The following TREM2 variants were observed in gnomAD, a reference collection of about 807,000 sequenced individuals.
The protein encoded by TREM2 is triggering receptor expressed on myeloid cells 2.
In TREM2, 20 loss-of-function variants were observed where a neutral mutation model predicts 22.9. The observed-to-expected ratio is 0.87, with a 90% confidence interval of 0.61 to 1.27. The LOEUF is 1.27. Ranked by LOEUF, TREM2 falls within the 50% of genes most tolerant of loss-of-function variation. The pLI is 0.00. For missense variants in TREM2, 267 were observed against 289.0 expected, an observed-to-expected ratio of 0.92 and a Z score of 0.55; for synonymous variants, 111 against 120.9, an observed-to-expected ratio of 0.92 and a Z score of 0.54.
intron 1 of TREM2, among the ~76,000 whole-genome samples, chr6:41,162,052 GT>G (rs1431583437): frequency 1.3e-5 from 2 of 152,128 alleles, no homozygotes; most frequent in Non-Finnish European, 2.9e-5. Context: ...CCCTATTTCT[GT>G]GGCTTTGTTC....
intron 2 of TREM2, 94 bp downstream of exon 2, chr6:41,161,169 C>T: frequency 1.8e-6 from 2 of 1,126,666 alleles, no homozygotes; most frequent in South Asian, 1.3e-5. Context: ...TTCCCAGGAT[C>T]CCTGAGAGCC....
At chr6:41,159,694 C>T in intron 3 of TREM2, 98 bp downstream of exon 3, 1 of 1,080,326 alleles carries the variant, frequency 9.3e-7, no homozygotes, top group Non-Finnish European at 1.4e-6. Context: ...CTCTAGTTGC[C>T]TTGTAATTTG....
chr6:41,160,035 A>T (rs1360723963), intron 2 of TREM2, among the ~76,000 whole-genome samples, 153 bp from the exon 3 acceptor site: 2 of 152,042 alleles, frequency 1.3e-5, no homozygotes, highest in Admixed American at 1.3e-4. Context: ...CAGTTTCCCC[A>T]CTTATAAAGT....
intron 2 of TREM2, 125 bp from the exon 3 acceptor site, chr6:41,160,007 A>G: frequency 1.4e-6 from 1 of 723,020 alleles, no homozygotes; most frequent in Non-Finnish European, 2.4e-6. Flanking sequence ...GGATCAGGTC[A>G]TTACACTCCA....
chr6:41,159,210 C>G lies in TREM2; in HGVS notation c.483-144G>C. The G allele has an allele frequency of 4.2e-6, 4 of 960,882 alleles. No homozygotes were observed. In the Admixed American group the frequency reaches 6.6e-5, roughly 16 times the overall value. 59.5% of individuals were successfully genotyped at this position (960,882 alleles called of 1,614,324 possible). Reference sequence around the variant, plus strand: ...ATCCCTGGGATGGGCCTTTTTGGAGCTTTGGGAGCCCATAGTCAAGAGACT... The same window carrying G: ...ATCCCTGGGATGGGCCTTTTTGGAGGTTTGGGAGCCCATAGTCAAGAGACT... On this transcript the variant is annotated intron_variant, in intron 3 of 4. Transcript: ENST00000373113.
chr6:41,161,910 A>G (rs1359488911), intron 1 of TREM2, among the ~76,000 whole-genome samples: 1 of 151,336 alleles, frequency 6.6e-6, no homozygotes, highest in Non-Finnish European at 1.5e-5. Flanking sequence ...TGTTCTGCAC[A>G]TCTCTTTGCC....
intron 3 of TREM2, 31 bp downstream of exon 3, chr6:41,159,761 C>T (rs1163494889): frequency 1.2e-6 from 2 of 1,606,908 alleles, no homozygotes; most frequent in Non-Finnish European, 1.7e-6. Context: ...GAAGTCTGCC[C>T]ACGGGTTTTA....
chr6:41,160,683 A>G (rs1561878395), intron 2 of TREM2, among the ~76,000 whole-genome samples: 1 of 152,020 alleles, frequency 6.6e-6, no homozygotes, highest in Non-Finnish European at 1.5e-5. Context: ...GCCAAATAAA[A>G]ACTCACAGGA....
chr6:41,158,641 G>A lies in TREM2; in HGVS notation c.*123C>T. ...GCTTCCAGGGTCCAGGAGAAGCAGT[G>A]TTCAGGCAGAGTAGTCTCTTGCCAG... On this transcript the variant is annotated 3_prime_UTR_variant, in exon 5 of 5. Transcript: ENST00000373113. The A allele has an allele frequency of 6.3e-7, 1 of 1,597,558 alleles. No individual in the cohort carries two copies. The highest frequency in any genetic ancestry group is 1.7e-4 in the Middle Eastern group (1 of 6,038).
intron 1 of TREM2, among the ~76,000 whole-genome samples, chr6:41,162,505 A>G (rs1170582023): frequency 6.6e-6 from 1 of 152,202 alleles, no homozygotes; most frequent in African/African-American, 2.4e-5. Context: ...GCAATTGTGT[A>G]CAAAAATTTG....
chr6:41,159,117 G>T (rs1210653980), intron 3 of TREM2, 51 bp from the exon 4 acceptor site: 1 of 1,572,324 alleles, frequency 6.4e-7, no homozygotes, highest in South Asian at 1.2e-5. Context: ...CTACAGATTA[G>T]AATCTTCTCT....
chr6:41,159,750 G>T, intron 3 of TREM2, 42 bp downstream of exon 3: 1 of 1,583,874 alleles, frequency 6.3e-7, no homozygotes, highest in Non-Finnish European at 8.7e-7. Flanking sequence ...TCTGCAGGGT[G>T]GAAGTCTGCC....
At chr6:41,159,095 C>G in intron 3 of TREM2, 29 bp from the exon 4 acceptor site, 1 of 1,597,418 alleles carries the variant, frequency 6.3e-7, no homozygotes, top group Non-Finnish European at 8.5e-7. Context: ...CAGATGGGAG[C>G]CTTGAGATGG....
intron 1 of TREM2, among the ~76,000 whole-genome samples, chr6:41,162,543 C>A (rs140713768): frequency 6.6e-6 from 1 of 152,178 alleles, no homozygotes; most frequent in Non-Finnish European, 1.5e-5. Context: ...AACTCAGCAA[C>A]GGAAATCTCT....
chr6:41,158,549 T>A lies in TREM2; in HGVS notation c.*215A>T. ...AGTCTTGGATTTATTTGTAAGTGTT[T>A]AAAATGTCCAATATTCAGAAGTTGT... On this transcript the variant is annotated 3_prime_UTR_variant, in exon 5 of 5. Transcript: ENST00000373113. 6.7e-7 allele frequency: 1 copy of A among 1,503,054 alleles called. No individual in the cohort carries two copies. The highest frequency in any genetic ancestry group is 1.4e-5 in the African/African-American group (1 of 72,054). The allele number at this position is 1,503,054 out of a possible 1,614,324, so 93.1% of individuals were successfully genotyped here.
chr6:41,161,674 G>A lies in TREM2; in HGVS notation c.41-61C>T. The A allele has an allele frequency of 2.1e-6, 3 of 1,438,078 alleles. No individual in the cohort carries two copies. In the South Asian group the frequency reaches 3.6e-5, roughly 17 times the overall value. 89.1% of individuals were successfully genotyped at this position (1,438,078 alleles called of 1,614,324 possible). On this transcript the variant is annotated intron_variant, in intron 1 of 4. Transcript: ENST00000373113. ...CAAATACGCTTTGAACACTTGCTCT[G>A]TGCAGTGACCTAAACAGACAAAAAT...
In TREM2 at chr6:41,161,285, CT is replaced by C. The variant is rs1299091971; in HGVS notation, c.368del (p.Lys123ArgfsTer66). 6 of 1,613,996 alleles carry C rather than the reference CT, an allele frequency of 3.7e-6. No individual in the cohort carries two copies. Among genetic ancestry groups the C allele is most frequent in the Non-Finnish European group, 5.1e-6 (6 of 1,179,970 alleles). On this transcript the variant is annotated frameshift_variant, in exon 2 of 5. Transcript: ENST00000373113. LOFTEE classifies it high-confidence loss of function. ...CACCTGCCAGCACCTCCACCAGGACCTTCCTGAGGGTGTCAGCCTCACTGCC... is the reference window on the plus strand; with the variant it reads ...CACCTGCCAGCACCTCCACCAGGACCTCCTGAGGGTGTCAGCCTCACTGCC... Reference protein sequence around the residue: ...LHGSEADTLRKVLVEVLADPL... With the variant: ...LHGSEADTLRXVLVEVLADPL...
chr6:41,162,128 CCCT>C (rs1765582111), intron 1 of TREM2, among the ~76,000 whole-genome samples: 5 of 152,216 alleles, frequency 3.3e-5, no homozygotes, highest in Admixed American at 3.3e-4. Context: ...ATTTTGGGAA[CCCT>C]CCTTAGGGCG....
rs1765513058 is a variant in TREM2 at position 41,159,803 on chromosome 6, G to A, written c.471C>T (p.His157=). ...SESFEDAHVE[H]SISRSLLEGE... Reference sequence around the variant, plus strand: ...ACCCATCGCTGTACCTGGAGATGCTGTGCTCCACATGGGCATCCTCGAAGC... The same window carrying A: ...ACCCATCGCTGTACCTGGAGATGCTATGCTCCACATGGGCATCCTCGAAGC... Residue 157 remains histidine, a synonymous_variant, in exon 3 of 5, where the codon CAC becomes CAT. Coordinates refer to ENST00000373113, the MANE Select transcript of TREM2 (RefSeq NM_018965.4). 1.2e-6 allele frequency: 2 copies of A among 1,614,076 alleles called. No individual in the cohort carries two copies. Among genetic ancestry groups the A allele is most frequent in the African/African-American group, 2.7e-5 (2 of 75,022 alleles).
Sources: allele counts gnomAD v4.1 joint callset (sites outside exome capture counted in the v4.1 genomes callset), GRCh38; gene constraint gnomAD v4.1.1; transcripts MANE v1.5; gene names NCBI Gene and HGNC (gene_info 2026-07-23, HGNC 2026-07-21).